SEC11A: variants seen among roughly 807,000 people sequenced by gnomAD.
The protein encoded by SEC11A is SEC11 homolog A, signal peptidase complex subunit, also known as signal peptidase complex catalytic subunit SEC11A.
A neutral mutation model predicts 25.6 loss-of-function variants in SEC11A; 14 were observed. The observed-to-expected ratio is 0.55, with a 90% CI of 0.36 to 0.85. The LOEUF (loss-of-function observed/expected upper bound fraction) is 0.85, where lower values mean the gene tolerates loss of function less well. SEC11A is among the 40% of genes least tolerant of loss of function. The pLI, the probability that SEC11A is intolerant of heterozygous loss-of-function variation, is 0.01. For synonymous variants in SEC11A, 83 were observed against 76.4 expected (o/e 1.09, Z -0.45); for missense variants, 153 against 222.9 (o/e 0.69, Z 2.00).
chr15:84,691,420 C>A, intron 2 of SEC11A, 115 bp downstream of exon 2: 1 of 623,918 alleles, frequency 1.6e-6, no homozygotes, highest in Non-Finnish European at 2.8e-6. Context: ...TTCTTCCAGG[C>A]CCTTTTCTGG....
chr15:84,673,430 GAAAA>G (rs1178052868), intron 4 of SEC11A: 80 of 144,142 alleles, frequency 5.6e-4, no homozygotes, highest in Middle Eastern at 3.0e-3. Context: ...TCTGCCTTGG[GAAAA>G]AAAAAAAAAA....
At chr15:84,710,668 C>T (rs940982992) in intron 1 of SEC11A, among the ~76,000 whole-genome samples, 1 of 152,004 alleles carries the variant, frequency 6.6e-6, no homozygotes, top group Non-Finnish European at 1.5e-5. Context: ...AAATTTGCTA[C>T]ACTTTAAATA....
chr15:84,689,227 G>A (rs970162806), intron 2 of SEC11A, among the ~76,000 whole-genome samples: 8 of 151,948 alleles, frequency 5.3e-5, no homozygotes, highest in Admixed American at 5.2e-4. Flanking sequence ...CAGTCTGGGC[G>A]ATGGAGGGAG....
intron 4 of SEC11A, among the ~76,000 whole-genome samples, chr15:84,677,162 G>T (rs188164655): frequency 1.3e-5 from 2 of 152,168 alleles, no homozygotes; most frequent in Non-Finnish European, 2.9e-5. Flanking sequence ...CTATTCTTAA[G>T]ATTTGTGTAC....
chr15:84,671,674 C>T (rs1192928549), intron 4 of SEC11A: 1 of 152,188 alleles, frequency 6.6e-6, no homozygotes, highest in Non-Finnish European at 1.5e-5. Context: ...AAACTAGAAG[C>T]TCTATAAAGG....
chr15:84,706,971 G>C (rs1052289865), intron 1 of SEC11A, among the ~76,000 whole-genome samples: 1 of 152,142 alleles, frequency 6.6e-6, no homozygotes, highest in Non-Finnish European at 1.5e-5. Flanking sequence ...TAGACAGACA[G>C]TCAGTGGCCT....
chr15:84,670,834 G>A, intron 4 of SEC11A, 52 bp from the exon 5 acceptor site: 1 of 839,196 alleles, frequency 1.2e-6, no homozygotes, highest in Non-Finnish European at 1.9e-6. Flanking sequence ...TAAAGCAGCT[G>A]TTGTCACTCA....
chr15:84,680,132 T>C (rs1897247712), intron 4 of SEC11A, among the ~76,000 whole-genome samples: 1 of 150,350 alleles, frequency 6.7e-6, no homozygotes, highest in African/African-American at 2.5e-5. Context: ...TAACGCCATC[T>C]CTACTAAAAA....
At chr15:84,677,800 G>A (rs916969301) in intron 4 of SEC11A, among the ~76,000 whole-genome samples, 1 of 152,128 alleles carries the variant, frequency 6.6e-6, no homozygotes, top group Admixed American at 6.5e-5. Context: ...TTGTCCAGAA[G>A]ACAAGTTGAG....
chr15:84,714,287 T>C (rs2141934193), intron 1 of SEC11A, among the ~76,000 whole-genome samples: 1 of 152,306 alleles, frequency 6.6e-6, no homozygotes, highest in African/African-American at 2.4e-5. Flanking sequence ...GTGCTGGGAT[T>C]ACAGGCGTGA....
Position 84,709,172 on chromosome 15 carries a change from CTTATT to C in SEC11A, c.51+6848_51+6852del, listed in dbSNP as rs1391776610. Among the ~76,000 whole-genome samples the C allele has an allele frequency of 3.3e-5, 5 of 152,014 alleles. No homozygotes were observed. The East Asian group carries it at 9.6e-4, about 29-fold the overall frequency. On this transcript the variant is annotated intron_variant, in intron 1 of 5. Transcript: ENST00000268220. ...CATAAAAATAATTTGGCATAACATA[CTTATT>C]TTATTAGTGAGTAAATATCTTTTTT...
intron 1 of SEC11A, among the ~76,000 whole-genome samples, chr15:84,705,852 CA>C (rs567620958): frequency 0.013 from 1,978 of 147,078 alleles, 32 homozygotes; most frequent in Non-Finnish European, 0.02. Flanking sequence ...GAGATTCCAT[CA>C]AAAAAAAAAT....
intron 4 of SEC11A, among the ~76,000 whole-genome samples, chr15:84,676,500 G>A (rs550087305): frequency 7.9e-5 from 12 of 151,250 alleles, no homozygotes; most frequent in African/African-American, 2.9e-4. Context: ...GAGGCGGAGT[G>A]CAGTGGCTCA....
chr15:84,687,546 C>A, intron 3 of SEC11A, 79 bp downstream of exon 3: 4 of 1,248,396 alleles, frequency 3.2e-6, no homozygotes, highest in Non-Finnish European at 3.2e-6. Context: ...GTTTTACAAT[C>A]TTTAGGCTAT....
chr15:84,702,416 C>T (rs1052058252), intron 1 of SEC11A, among the ~76,000 whole-genome samples: 6 of 149,668 alleles, frequency 4.0e-5, no homozygotes, highest in Non-Finnish European at 7.4e-5. Flanking sequence ...GAGCCAAGAT[C>T]GCATGCACCA....
intron 4 of SEC11A, among the ~76,000 whole-genome samples, chr15:84,677,842 G>A (rs771682186): frequency 1.2e-4 from 18 of 152,118 alleles, no homozygotes; most frequent in Non-Finnish European, 2.5e-4. Flanking sequence ...GTAGGATGAT[G>A]CATCTTTTAC....
At chr15:84,705,688 C>T (rs1286262419) in intron 1 of SEC11A, among the ~76,000 whole-genome samples, 5 of 151,732 alleles carry the variant, frequency 3.3e-5, no homozygotes, top group African/African-American at 1.2e-4. Flanking sequence ...AACCCCGCCT[C>T]TACTAAAAAT....
intron 4 of SEC11A, among the ~76,000 whole-genome samples, chr15:84,677,015 T>A (rs1833858918): frequency 6.6e-6 from 1 of 151,712 alleles, no homozygotes; most frequent in African/African-American, 2.4e-5. Context: ...TGCTTGGGCC[T>A]GGGAGGTGGA....
intron 1 of SEC11A, among the ~76,000 whole-genome samples, chr15:84,711,295 T>A (rs1898257173): frequency 6.6e-6 from 1 of 151,556 alleles, no homozygotes; most frequent in Non-Finnish European, 1.5e-5. Flanking sequence ...GGTGGGAGAA[T>A]CACTTGATCC....
Sources: allele counts gnomAD v4.1 joint callset (sites outside exome capture counted in the v4.1 genomes callset), GRCh38; gene constraint gnomAD v4.1.1; transcripts MANE v1.5; gene names NCBI Gene and HGNC (gene_info 2026-07-23, HGNC 2026-07-21).